The following NEMF variants were observed in gnomAD, a reference collection of about 807,000 sequenced individuals.
NEMF encodes the protein ribosome quality control complex subunit NEMF.
A neutral mutation model predicts 162.2 loss-of-function variants in NEMF; 89 were observed. That is an observed-to-expected ratio of 0.55 (90% CI 0.46 to 0.65). The LOEUF is 0.65. Ranked by LOEUF, NEMF falls within the 30% of genes least tolerant of loss-of-function variation. NEMF has a pLI of 0.00. For synonymous variants in NEMF, 421 were observed against 404.5 expected (o/e 1.04, Z -0.49); for missense variants, 1,133 against 1,261.9 (o/e 0.90, Z 1.55).
At position 49,794,550 on chromosome 14, in the gene NEMF, G is replaced by C. The variant is rs148809712; in HGVS notation, c.2619+1241C>G. ...GTGAGCCCAGGAGTTCAAAGCTGTA[G>C]TATGCTACAAACATGCCTGTAAATA... On this transcript the variant is annotated intron_variant, in intron 26 of 32. Transcript: ENST00000298310. 2.0e-3 allele frequency among the ~76,000 whole-genome samples: 297 copies of C among 148,032 alleles called. 2 individuals carry two copies. Among genetic ancestry groups the C allele is most frequent in the Non-Finnish European group, 3.4e-3 (227 of 67,438 alleles).
chr14:49,782,498 C>A lies in NEMF; in HGVS notation c.*2138G>T. The A allele has an allele frequency of 6.3e-7, 1 of 1,594,976 alleles. No homozygotes were observed. Among genetic ancestry groups the A allele is most frequent in the East Asian group, 2.2e-5 (1 of 44,732 alleles). The stretch of plus-strand genomic sequence containing the variant: ...TCACATTATTACTGAAACTTACTTG[C>A]AAAGCATTTGCTTTTAAATGTGTTC... On this transcript the variant is annotated 3_prime_UTR_variant, in exon 33 of 33. Transcript: ENST00000298310.
At chr14:49,785,169 A>G (rs375408868) in intron 30 of NEMF, 34 bp from the exon 31 acceptor site, 9 of 1,599,972 alleles carry the variant, frequency 5.6e-6, no homozygotes, top group African/African-American at 4.0e-5. Flanking sequence ...TACTAAATAG[A>G]CGTTACAAAA....
intron 6 of NEMF, among the ~76,000 whole-genome samples, chr14:49,836,519 T>C (rs1490381323): frequency 6.6e-6 from 1 of 151,784 alleles, no homozygotes; most frequent in African/African-American, 2.4e-5. Context: ...CAGGAGTTCA[T>C]CCCTGTAGTC....
At chr14:49,798,589 A>C (rs1413439242) in intron 25 of NEMF, among the ~76,000 whole-genome samples, 4 of 152,200 alleles carry the variant, frequency 2.6e-5, no homozygotes, top group Non-Finnish European at 2.9e-5. Context: ...GTTTCCCTTA[A>C]GTCCAAGTTT....
At chr14:49,838,374 T>C (rs1239889759) in intron 5 of NEMF, among the ~76,000 whole-genome samples, 168 bp from the exon 6 acceptor site, 3 of 152,168 alleles carry the variant, frequency 2.0e-5, no homozygotes, top group South Asian at 2.1e-4. Flanking sequence ...AAAAGATATT[T>C]ACCCAAGATT....
At chr14:49,797,890 CAG>C (rs1890765381) in intron 25 of NEMF, among the ~76,000 whole-genome samples, 2 of 152,320 alleles carry the variant, frequency 1.3e-5, no homozygotes, top group African/African-American at 2.4e-5. Context: ...ACCATCTGTG[CAG>C]AGTTTACATG....
chr14:49,850,713 A>C (rs77345537), intron 3 of NEMF, among the ~76,000 whole-genome samples: 1 of 144,506 alleles, frequency 6.9e-6, no homozygotes, highest in Non-Finnish European at 1.5e-5. Flanking sequence ...TGAGTATTCC[A>C]AAAAAAAAAA....
In NEMF at chr14:49,782,541, G is replaced by A; in HGVS notation, c.*2095C>T. 1.2e-6 allele frequency: 2 copies of A among 1,606,716 alleles called. No homozygotes were observed. Among genetic ancestry groups the A allele is most frequent in the Non-Finnish European group, 1.7e-6 (2 of 1,175,166 alleles). On this transcript the variant is annotated 3_prime_UTR_variant, in exon 33 of 33. Transcript: ENST00000298310. ...ATGTGTTCTTCCTATTTATTTTTCA[G>A]GCACACAGTAATGAAATACTAATAT...
At chr14:49,844,960 A>G in intron 4 of NEMF, 3 of 191,812 alleles carry the variant, frequency 1.6e-5, no homozygotes, top group South Asian at 6.9e-5. Context: ...GTAGAGATGC[A>G]GTTTTGCCAC....
chr14:49,852,784 CCT>C lies in NEMF; in HGVS notation c.-33_-32del. On this transcript the variant is annotated 5_prime_UTR_variant, in exon 1 of 33. Coordinates refer to ENST00000298310, the MANE Select transcript of NEMF (RefSeq NM_004713.6). ...GGCCCGAGGGTCACTACCGCAAGTT[CCT>C]CTACTGCCCGGCCGGACTCGACGCC... 1 of 1,612,988 alleles carries C rather than the reference CCT, an allele frequency of 6.2e-7. No individual in the cohort carries two copies. Among genetic ancestry groups the C allele is most frequent in the Non-Finnish European group, 8.5e-7 (1 of 1,179,000 alleles).
rs762810303 is a variant in NEMF, at chr14:49,840,860, T to C, written c.364A>G (p.Ile122Val). 5.6e-6 allele frequency: 9 copies of C among 1,602,956 alleles called. No individual in the cohort carries two copies. The highest frequency in any genetic ancestry group is 7.6e-6 in the Non-Finnish European group (9 of 1,176,952). ...LIIELYDRGN[I>V]VLTDYEYVIL... Reference sequence around the variant, plus strand: ...ACGTACTCATAATCTGTAAGAACAATGTTCCCCTGCAATAAAATAAAATAC... The same window carrying C: ...ACGTACTCATAATCTGTAAGAACAACGTTCCCCTGCAATAAAATAAAATAC... The change falls in exon 5 of 33, where the codon ATT becomes GTT. Residue 122 changes from isoleucine (I) to valine (V), a missense_variant. Ile to Val is a conservative substitution (Grantham distance 29). This residue lies in a region of NEMF where 582 missense variants were observed against 631.5 expected (regional missense o/e 0.92). Coordinates refer to ENST00000298310, the MANE Select transcript of NEMF (RefSeq NM_004713.6).
At chr14:49,851,902 A>T in intron 1 of NEMF, 27 bp from the exon 2 acceptor site, 1 of 1,326,566 alleles carries the variant, frequency 7.5e-7, no homozygotes, top group Non-Finnish European at 1.1e-6. Context: ...AACATGTAAC[A>T]TGTTACACTA....
chr14:49,834,160 C>T, intron 7 of NEMF: 2 of 585,200 alleles, frequency 3.4e-6, no homozygotes, highest in Non-Finnish European at 6.2e-6. Flanking sequence ...GTGCAGTCAC[C>T]ACCCACTGCA....
At chr14:49,805,659 G>C (rs1284619736) in intron 19 of NEMF, among the ~76,000 whole-genome samples, 1 of 151,262 alleles carries the variant, frequency 6.6e-6, no homozygotes, top group East Asian at 1.9e-4. Context: ...AAGATGAACA[G>C]AAGAAAGGCC....
Position 49,833,401 on chromosome 14 carries a change from T to C in NEMF, c.735+22A>G, listed in dbSNP as rs1419940080. The C allele has an allele frequency of 5.6e-6, 8 of 1,428,976 alleles. No individual in the cohort carries two copies. In the Admixed American group the frequency reaches 5.7e-5, roughly 10 times the overall value. The allele number at this position is 1,428,976 out of a possible 1,614,324, so 88.5% of individuals were successfully genotyped here. On this transcript the variant is annotated intron_variant, in intron 8 of 32. Coordinates refer to ENST00000298310, the MANE Select transcript of NEMF (RefSeq NM_004713.6). ...AACCCAAATAAATCACAACAATATA[T>C]AGTAAGTATACATGGTGCTACCTTC...
chr14:49,809,409 G>A lies in NEMF; in HGVS notation c.1745-3276C>T, dbSNP rs184312532. On this transcript the variant is annotated intron_variant, in intron 18 of 32. Transcript: ENST00000298310. ...AGCATACTACTAAGTGAAGAAGCCA[G>A]CCTTTAAAGATCAGTGGTTGTCGGG... Among the ~76,000 whole-genome samples, 4 of 152,314 alleles carry A rather than the reference G, an allele frequency of 2.6e-5. No homozygotes were observed. In the East Asian group the frequency reaches 7.7e-4, roughly 29 times the overall value.
chr14:49,827,626 A>G (rs910480015), intron 15 of NEMF, among the ~76,000 whole-genome samples: 17 of 152,142 alleles, frequency 1.1e-4, no homozygotes, highest in African/African-American at 4.1e-4. Flanking sequence ...CAAGCTGACC[A>G]ACATGGTGAA....
At chr14:49,794,713 T>C (rs1890609311) in intron 26 of NEMF, among the ~76,000 whole-genome samples, 1 of 112,498 alleles carries the variant, frequency 8.9e-6, no homozygotes, top group South Asian at 3.3e-4. Flanking sequence ...TTTATACTGC[T>C]ACAGCTTTTT....
At chr14:49,847,978 G>T (rs1225508434) in intron 3 of NEMF, among the ~76,000 whole-genome samples, 1 of 149,862 alleles carries the variant, frequency 6.7e-6, no homozygotes, top group East Asian at 2.0e-4. Context: ...GTTACAGTGA[G>T]CCGAGATGAC....
Sources: gnomAD v4.1 joint callset for allele counts (sites outside exome capture counted in the v4.1 genomes callset) on GRCh38, gnomAD v4.1.1 for gene constraint, gnomAD v4.1.1 regional missense constraint, MANE v1.5 for transcripts, NCBI Gene and HGNC (gene_info 2026-07-23, HGNC 2026-07-21) for gene names.